The following ADIPOR2 variants were observed in gnomAD, a reference collection of about 807,000 sequenced individuals.
ADIPOR2 encodes the protein adiponectin receptor protein 2.
A neutral mutation model predicts 40.9 loss-of-function variants in ADIPOR2; 18 were observed. The ratio of observed to expected loss-of-function variants is 0.44; its 90% CI spans 0.30 to 0.65. The LOEUF is 0.65. Ranked by LOEUF, ADIPOR2 falls within the 30% of genes least tolerant of loss-of-function variation. The pLI, the probability that ADIPOR2 is intolerant of heterozygous loss-of-function variation, is 0.09. For missense variants in ADIPOR2, 283 were observed against 479.2 expected, an observed-to-expected ratio of 0.59 and a Z score of 3.82; for synonymous variants, 165 against 166.4, an observed-to-expected ratio of 0.99 and a Z score of 0.06.
Position 1,777,720 on chromosome 12 carries a change from G to A in ADIPOR2, c.292-134G>A, listed in dbSNP as rs1257542496. On this transcript the variant is annotated intron_variant, in intron 3 of 7. Transcript: ENST00000357103. ...CAGAATATAAGACATTATACATTTT[G>A]AGATGTTTGCCTTTTTAAAAATGAA... is the stretch of plus-strand genomic sequence containing the variant. 3 of 814,150 alleles carry A rather than the reference G, an allele frequency of 3.7e-6. No individual in the cohort carries two copies. The East Asian group carries it at 8.4e-5, about 23-fold the overall frequency. 50.4% of individuals were successfully genotyped at this position (814,150 alleles called of 1,614,324 possible).
chr12:1,708,076 TA>T (rs1157614783), intron 1 of ADIPOR2, among the ~76,000 whole-genome samples: 10 of 151,468 alleles, frequency 6.6e-5, no homozygotes, highest in Non-Finnish European at 7.4e-5. Context: ...ATAATACAAA[TA>T]AAAAATACAG....
intron 6 of ADIPOR2, among the ~76,000 whole-genome samples, chr12:1,781,442 T>G (rs1862718128): frequency 6.6e-6 from 1 of 152,232 alleles, no homozygotes; most frequent in South Asian, 2.1e-4. Context: ...TTGTAGTGAT[T>G]CTTTTTTTGT....
intron 3 of ADIPOR2, among the ~76,000 whole-genome samples, chr12:1,776,607 C>T (rs1355362405): frequency 1.3e-5 from 2 of 152,120 alleles, no homozygotes; most frequent in Non-Finnish European, 2.9e-5. Flanking sequence ...AAGCAGAGTG[C>T]AGAGGTTGAC....
chr12:1,711,632 CTCTCTCTCT>C (rs2094677283), intron 1 of ADIPOR2, among the ~76,000 whole-genome samples: 1 of 107,208 alleles, frequency 9.3e-6, no homozygotes. Flanking sequence ...CTCTCTCTCT[CTCTCTCTCT>C]TTCTCTCTTT....
intron 1 of ADIPOR2, among the ~76,000 whole-genome samples, chr12:1,738,859 A>G (rs930373991): frequency 3.9e-4 from 59 of 152,332 alleles, no homozygotes; most frequent in African/African-American, 1.4e-3. Context: ...GAACAAAGGA[A>G]TATTTTTCTC....
Position 1,754,270 on chromosome 12 carries a change from A to G in ADIPOR2, c.-74A>G. ...TTCATCTTCTTAGGATCAACTCACT[A>G]TCCTGAAGGTCCATTCTCCCAAGAA... On this transcript the variant is annotated 5_prime_UTR_variant, in exon 2 of 8. Coordinates refer to ENST00000357103, the MANE Select transcript of ADIPOR2 (RefSeq NM_024551.3). 3 of 1,401,830 alleles carry G rather than the reference A, an allele frequency of 2.1e-6. No individual in the cohort carries two copies. The South Asian group carries it at 5.4e-5, about 25-fold the overall frequency. The allele number at this position is 1,401,830 out of a possible 1,614,324, so 86.8% of individuals were successfully genotyped here.
At chr12:1,764,351 A>T (rs1862329946) in intron 2 of ADIPOR2, among the ~76,000 whole-genome samples, 1 of 152,084 alleles carries the variant, frequency 6.6e-6, no homozygotes, top group African/African-American at 2.4e-5. Flanking sequence ...GATCACTTTT[A>T]TCGTGCCTGG....
At chr12:1,772,325 A>G (rs1180651456) in intron 2 of ADIPOR2, among the ~76,000 whole-genome samples, 2 of 152,216 alleles carry the variant, frequency 1.3e-5, no homozygotes, top group Admixed American at 6.5e-5. Flanking sequence ...TACTTACTTA[A>G]TAAGGTGGTT....
At chr12:1,728,152 C>T (rs1191487695) in intron 1 of ADIPOR2, among the ~76,000 whole-genome samples, 1 of 151,454 alleles carries the variant, frequency 6.6e-6, no homozygotes, top group African/African-American at 2.4e-5. Flanking sequence ...CGCTCTTGTC[C>T]CCCAGGCTGG....
chr12:1,701,978 TG>T (rs1284476422), intron 1 of ADIPOR2, among the ~76,000 whole-genome samples: 2 of 151,974 alleles, frequency 1.3e-5, no homozygotes, highest in Non-Finnish European at 2.9e-5. Context: ...AAACATTAGC[TG>T]GGCGGGGTGG....
intron 2 of ADIPOR2, among the ~76,000 whole-genome samples, chr12:1,772,512 C>G (rs1001219896): frequency 6.6e-6 from 1 of 151,990 alleles, no homozygotes; most frequent in African/African-American, 2.4e-5. Flanking sequence ...GAGGTTTTCC[C>G]CTTAGTAATT....
intron 3 of ADIPOR2, among the ~76,000 whole-genome samples, chr12:1,777,527 C>CA (rs1862623363): frequency 6.6e-6 from 1 of 151,848 alleles, no homozygotes; most frequent in African/African-American, 2.4e-5. Context: ...GGTGGGATTA[C>CA]AGGCATGTGC....
chr12:1,784,054 C>T lies in ADIPOR2; in HGVS notation c.1013C>T (p.Pro338Leu). The T allele has an allele frequency of 6.3e-7, 1 of 1,597,108 alleles. No homozygotes were observed. Among genetic ancestry groups the T allele is most frequent in the Non-Finnish European group, 8.5e-7 (1 of 1,170,040 alleles). ...GCCCGGATCCCCGAACGCTTTTTCCCTGGCAAATGTGACATCTGGGTAAGT... is the reference window on the plus strand; with the variant it reads ...GCCCGGATCCCCGAACGCTTTTTCCTTGGCAAATGTGACATCTGGGTAAGT... ...YAARIPERFF[P>L]GKCDIWFHSH... The change falls in exon 7 of 8, where the codon CCT (proline) becomes CTT (leucine). Residue 338 changes from proline (P) to leucine (L), a missense_variant. Physicochemically the swap from Pro to Leu is moderately conservative, Grantham distance 98 (BLOSUM62 -3). Coordinates refer to ENST00000357103, the MANE Select transcript of ADIPOR2 (RefSeq NM_024551.3).
chr12:1,776,921 C>T lies in ADIPOR2; in HGVS notation c.292-933C>T, dbSNP rs541453963. Among the ~76,000 whole-genome samples the T allele has an allele frequency of 2.6e-5, 4 of 152,290 alleles. No homozygotes were observed. The South Asian group carries it at 8.3e-4, about 32-fold the overall frequency. ...TCTTCATGATTTCCCTATGAAGTAACTGAAGCGCTATTTTACAAATGAAGG... is the reference window on the plus strand; with the variant it reads ...TCTTCATGATTTCCCTATGAAGTAATTGAAGCGCTATTTTACAAATGAAGG... On this transcript the variant is annotated intron_variant, in intron 3 of 7. Coordinates refer to ENST00000357103, the MANE Select transcript of ADIPOR2 (RefSeq NM_024551.3).
At chr12:1,749,946 C>G (rs531213444) in intron 1 of ADIPOR2, among the ~76,000 whole-genome samples, 40 of 149,294 alleles carry the variant, frequency 2.7e-4, no homozygotes, top group Non-Finnish European at 3.8e-4. Context: ...AAGCAGTTCT[C>G]TCACCACATT....
intron 1 of ADIPOR2, among the ~76,000 whole-genome samples, chr12:1,750,733 C>G (rs1214596629): frequency 6.6e-6 from 1 of 151,994 alleles, no homozygotes; most frequent in Non-Finnish European, 1.5e-5. Flanking sequence ...TTCATAATGA[C>G]CAAATATTGT....
chr12:1,781,816 A>G (rs1298451296), intron 6 of ADIPOR2, among the ~76,000 whole-genome samples: 2 of 152,194 alleles, frequency 1.3e-5, no homozygotes, highest in African/African-American at 4.8e-5. Context: ...ATCCGGGGGT[A>G]CCTGGAAGGT....
At chr12:1,713,060 C>G (rs1394152492) in intron 1 of ADIPOR2, among the ~76,000 whole-genome samples, 2 of 152,104 alleles carry the variant, frequency 1.3e-5, no homozygotes, top group Non-Finnish European at 2.9e-5. Flanking sequence ...TGGCCTAGAT[C>G]TTGGACCAGT....
chr12:1,741,090 G>T (rs1417381301), intron 1 of ADIPOR2, among the ~76,000 whole-genome samples: 1 of 152,158 alleles, frequency 6.6e-6, no homozygotes, highest in African/African-American at 2.4e-5. Context: ...ATAAGTTGAG[G>T]TTGGAGAGGT....
Sources: allele counts gnomAD v4.1 joint callset (sites outside exome capture counted in the v4.1 genomes callset), GRCh38; gene constraint gnomAD v4.1.1; transcripts MANE v1.5; gene names NCBI Gene and HGNC (gene_info 2026-07-23, HGNC 2026-07-21).